The following NT5M variants were observed in gnomAD, a reference collection of about 807,000 sequenced individuals.
The protein encoded by NT5M is 5'(3')-deoxyribonucleotidase, mitochondrial.
In NT5M, 22 loss-of-function variants were observed where a neutral mutation model predicts 22.2. That is an observed-to-expected ratio of 0.99 (90% CI 0.71 to 1.41). The LOEUF (loss-of-function observed/expected upper bound fraction) is 1.41. NT5M is among the 40% of genes most tolerant of loss of function. The probability of loss-of-function intolerance (pLI) is 0.00; values close to 1 mark genes in which losing one functional copy is unlikely to be tolerated. For synonymous variants in NT5M, 167 were observed against 133.0 expected, an observed-to-expected ratio of 1.26 and a Z score of -1.76; for missense variants, 322 against 314.8, an observed-to-expected ratio of 1.02 and a Z score of -0.17.
chr17:17,345,138 T>C (rs1567903512), intron 4 of NT5M: 2 of 1,003,842 alleles, frequency 2.0e-6, no homozygotes, highest in Non-Finnish European at 1.4e-6. Context: ...GCTTGAGGGG[T>C]GGCCTTGGGG....
In NT5M at chr17:17,313,065, T is replaced by A. The variant is rs375026858; in HGVS notation, c.368+6422T>A. 7.9e-5 allele frequency among the ~76,000 whole-genome samples: 12 copies of A among 151,416 alleles called. No individual in the cohort carries two copies. In the East Asian group the frequency reaches 1.6e-3, roughly 20 times the overall value. On this transcript the variant is annotated intron_variant, in intron 2 of 4. Coordinates refer to ENST00000389022, the MANE Select transcript of NT5M (RefSeq NM_020201.4). ...CGGGCGGATCACCTGAGGTCAGGAG[T>A]TCGAGACCGGCCTGACCAACATGGA... is the stretch of plus-strand genomic sequence containing the variant.
At chr17:17,315,744 G>GTTTTTTTTT (rs1173004367) in intron 2 of NT5M, among the ~76,000 whole-genome samples, 7 of 67,712 alleles carry the variant, frequency 1.0e-4, no homozygotes, top group Non-Finnish European at 1.6e-4. Context: ...CTAACTTAGG[G>GTTTTTTTTT]TTTTTTTGTT....
At chr17:17,341,741 T>G (rs1285282623) in intron 3 of NT5M, among the ~76,000 whole-genome samples, 1 of 152,148 alleles carries the variant, frequency 6.6e-6, no homozygotes, top group Non-Finnish European at 1.5e-5. Context: ...TATATAAAAT[T>G]TAACCCTGGC....
chr17:17,346,539 A>G (rs2049762096), intron 4 of NT5M, among the ~76,000 whole-genome samples: 1 of 152,184 alleles, frequency 6.6e-6, no homozygotes, highest in Non-Finnish European at 1.5e-5. Flanking sequence ...GGCGGGGCAC[A>G]TGTCCCTTGC....
At chr17:17,303,938 A>G (rs1316683398) in intron 1 of NT5M, 121 bp downstream of exon 1, 4 of 1,314,378 alleles carry the variant, frequency 3.0e-6, no homozygotes, top group Non-Finnish European at 3.9e-6. Flanking sequence ...CTCTGATAGA[A>G]TAGGGTCTGG....
chr17:17,309,089 T>G (rs750080019), intron 2 of NT5M, among the ~76,000 whole-genome samples: 2 of 152,050 alleles, frequency 1.3e-5, no homozygotes, highest in Non-Finnish European at 2.9e-5. Context: ...CGTGTAAATA[T>G]TTGTTTGAAT....
At chr17:17,309,369 C>T (rs754980173) in intron 2 of NT5M, among the ~76,000 whole-genome samples, 6 of 152,098 alleles carry the variant, frequency 3.9e-5, no homozygotes, top group East Asian at 1.9e-4. Flanking sequence ...AAGCAGTTCT[C>T]GTGCCTCAGC....
chr17:17,337,137 A>G (rs756256203), intron 3 of NT5M, among the ~76,000 whole-genome samples: 6 of 152,136 alleles, frequency 3.9e-5, no homozygotes, highest in East Asian at 1.9e-4. Context: ...GATAAAAGCC[A>G]TTTTGACTGG....
At chr17:17,342,010 G>A (rs1374395918) in intron 3 of NT5M, among the ~76,000 whole-genome samples, 5 of 151,106 alleles carry the variant, frequency 3.3e-5, no homozygotes, top group African/African-American at 4.9e-5. Context: ...CAGCCTGGGC[G>A]ACAGCAAGAC....
chr17:17,319,615 A>G (rs915757704), intron 2 of NT5M, among the ~76,000 whole-genome samples: 14 of 152,338 alleles, frequency 9.2e-5, no homozygotes, highest in African/African-American at 2.9e-4. Flanking sequence ...GCCAGGCAAA[A>G]CAGAGTATAG....
At position 17,303,681 on chromosome 17, in the gene NT5M, G is replaced by A. The variant is rs764515536; in HGVS notation, c.131G>A (p.Gly44Asp). ...CTACGGGTGCTGGTGGACATGGACG[G>A]CGTGCTGGCTGACTTCGAGGGCGGA... Reference protein sequence around the residue: ...RALRVLVDMDGVLADFEGGFL... With the variant: ...RALRVLVDMDDVLADFEGGFL... Residue 44 changes from glycine (G) to aspartate (D), a missense_variant, in exon 1 of 5, where the codon GGC (glycine) becomes GAC (aspartate). Transcript: ENST00000389022. 2 of 1,583,136 alleles carry A rather than the reference G, an allele frequency of 1.3e-6. No homozygotes were observed. The highest frequency in any genetic ancestry group is 1.1e-5 in the South Asian group (1 of 87,450).
chr17:17,311,434 A>C (rs2048920610), intron 2 of NT5M, among the ~76,000 whole-genome samples: 1 of 152,116 alleles, frequency 6.6e-6, no homozygotes. Context: ...AGGGGGTCAA[A>C]CTTCATTCTT....
intron 3 of NT5M, among the ~76,000 whole-genome samples, chr17:17,329,985 CAAACA>C (rs921636515): frequency 5.5e-4 from 84 of 151,712 alleles, no homozygotes; most frequent in African/African-American, 1.9e-3. Context: ...AAAACAAAAA[CAAACA>C]AAACAAAACA....
chr17:17,329,823 T>G (rs1459800492), intron 3 of NT5M, among the ~76,000 whole-genome samples: 1 of 151,408 alleles, frequency 6.6e-6, no homozygotes, highest in South Asian at 2.1e-4. Flanking sequence ...TAAAAAAAAA[T>G]TAGCCAGGCG....
intron 2 of NT5M, among the ~76,000 whole-genome samples, chr17:17,317,149 A>T (rs1237446520): frequency 1.3e-5 from 2 of 149,508 alleles, no homozygotes; most frequent in Non-Finnish European, 3.0e-5. Flanking sequence ...TCCTGGGTTC[A>T]TGCCATTCTC....
Position 17,303,745 on chromosome 17 carries a change from C to T in NT5M, c.195C>T (p.Pro65=). The T allele has an allele frequency of 6.3e-7, 1 of 1,589,774 alleles. No homozygotes were observed. Among genetic ancestry groups the T allele is most frequent in the Admixed American group, 1.7e-5 (1 of 58,274 alleles). ...RKFRARFPDQ[P]FIALEDRRGF... ...TCCGCGCGCGCTTTCCCGACCAGCC[C>T]TTCATCGCGCTGGAGGACCGGCGCG... The change falls in exon 1 of 5, where the codon CCC becomes CCT. Residue 65 remains proline (P), a synonymous_variant. Transcript: ENST00000389022.
chr17:17,323,906 CTTG>C (rs1337988511), intron 3 of NT5M, among the ~76,000 whole-genome samples: 19 of 152,114 alleles, frequency 1.2e-4, no homozygotes, highest in African/African-American at 1.7e-4. Flanking sequence ...GAGTTTTGCT[CTTG>C]TTGTTGCACA....
Position 17,327,078 on chromosome 17 carries a change from A to AT in NT5M, c.429+3842dup, listed in dbSNP as rs111408448. 4.7e-4 allele frequency among the ~76,000 whole-genome samples: 17 copies of AT among 36,270 alleles called. 4 individuals are homozygous for AT. The highest frequency in any genetic ancestry group is 2.1e-3 in the Admixed American group (7 of 3,366). The allele number at this position is 36,270 out of a possible 152,430, so 23.8% of individuals were successfully genotyped here. A position where few individuals can be genotyped will look rare whatever the true frequency, so the allele number is the denominator to read the frequency against. ...AGGTGTGCGCCACCACACCCGGCTA[A>AT]TTTTTTTTTGTATTTTTAGTAGAAA... On this transcript the variant is annotated intron_variant, in intron 3 of 4. Coordinates refer to ENST00000389022, the MANE Select transcript of NT5M (RefSeq NM_020201.4).
chr17:17,319,632 CTTTCT>C (rs1159258123), intron 2 of NT5M, among the ~76,000 whole-genome samples: 6 of 152,146 alleles, frequency 3.9e-5, no homozygotes, highest in Non-Finnish European at 8.8e-5. Context: ...ATAGACTATA[CTTTCT>C]TTTATGTAAC....
Sources: allele counts gnomAD v4.1 joint callset (sites outside exome capture counted in the v4.1 genomes callset), GRCh38; gene constraint gnomAD v4.1.1; transcripts MANE v1.5; gene names NCBI Gene and HGNC (gene_info 2026-07-23, HGNC 2026-07-21).